RNF103: variants seen among roughly 807,000 people sequenced by gnomAD.
RNF103 encodes the protein ring finger protein 103, also known as E3 ubiquitin-protein ligase RNF103.
Under a neutral mutation model 66.2 loss-of-function variants are expected in RNF103, and 23 were observed. The observed-to-expected ratio is 0.35, with a 90% CI of 0.25 to 0.49. The LOEUF (loss-of-function observed/expected upper bound fraction) is 0.49. Among genes scored for constraint, RNF103 ranks in the 20% least tolerant of loss-of-function variants. The probability of loss-of-function intolerance (pLI) is 0.98; values close to 1 mark genes in which losing one functional copy is unlikely to be tolerated. For synonymous variants in RNF103, 297 were observed against 289.9 expected, an observed-to-expected ratio of 1.02 and a Z score of -0.25; for missense variants, 730 against 814.7, an observed-to-expected ratio of 0.90 and a Z score of 1.27.
rs201930015 is a variant in RNF103, at chr2:86,620,494, T to G, written c.227-25A>C. On this transcript the variant is annotated intron_variant, in intron 1 of 3. Coordinates refer to ENST00000237455, the MANE Select transcript of RNF103 (RefSeq NM_005667.4). ...CCTGAAGAAAGGAAAAGAATAACAC[T>G]AATAAGGTTGCAAGAATCCTAGATT... 45 of 1,522,266 alleles carry G rather than the reference T, an allele frequency of 3.0e-5. No homozygotes were observed. The East Asian group carries it at 1.0e-3, about 34-fold the overall frequency. The allele number at this position is 1,522,266 out of a possible 1,614,324, so 94.3% of individuals were successfully genotyped here. A position where few individuals can be genotyped will look rare whatever the true frequency, so the allele number is the denominator to read the frequency against.
chr2:86,608,164 G>A (rs1443552250), intron 3 of RNF103, among the ~76,000 whole-genome samples: 1 of 152,022 alleles, frequency 6.6e-6, no homozygotes, highest in African/African-American at 2.4e-5. Context: ...TGTGAGTTTT[G>A]GTCTTCCAGT....
At position 86,604,279 on chromosome 2, in the gene RNF103, C is replaced by A; in HGVS notation, c.1622G>T (p.Ser541Ile). ...ACTACTCAAAGTGTCTGTGTTCTCA[C>A]TTTCCGAGTCATTTTCAGTATCTTG... ...GSQDTENDSE[S>I]ENTDTLSSEK... The change falls in exon 4 of 4, where the codon AGT becomes ATT. Residue 541 changes from serine (S) to isoleucine (I), a missense_variant. This residue lies in a region of RNF103 where 355 missense variants were observed against 351.9 expected (regional missense o/e 1.01). Transcript: ENST00000237455. The A allele has an allele frequency of 6.2e-7, 1 of 1,614,232 alleles. No homozygotes were observed.
chr2:86,621,626 C>A (rs1679231984), intron 1 of RNF103, among the ~76,000 whole-genome samples: 1 of 152,170 alleles, frequency 6.6e-6, no homozygotes, highest in African/African-American at 2.4e-5. Context: ...AAGTGTTAAA[C>A]TGCTAGCGAG....
In RNF103 at chr2:86,623,667, A is replaced by G. The variant is rs1421387096; in HGVS notation, c.-781T>C. On this transcript the variant is annotated 5_prime_UTR_variant, in exon 1 of 4. Transcript: ENST00000237455. The stretch of plus-strand genomic sequence containing the variant: ...GCAGATGGAATCGGTCTCGGAGGGA[A>G]AAAACCAATAATAGGCCCCGAGACT... The G allele has an allele frequency of 1.1e-5, 13 of 1,168,574 alleles. No individual in the cohort carries two copies. The highest frequency in any genetic ancestry group is 1.1e-6 in the Non-Finnish European group (1 of 932,578). The allele number at this position is 1,168,574 out of a possible 1,614,324, so 72.4% of individuals were successfully genotyped here. A position where few individuals can be genotyped will look rare whatever the true frequency, so the allele number is the denominator to read the frequency against.
chr2:86,604,732 C>G lies in RNF103; in HGVS notation c.1169G>C (p.Ser390Thr), dbSNP rs1471965011. 15 of 1,613,880 alleles carry G rather than the reference C, an allele frequency of 9.3e-6. No individual in the cohort carries two copies. Among genetic ancestry groups the G allele is most frequent in the Non-Finnish European group, 1.2e-5 (14 of 1,180,000 alleles). The change falls in exon 4 of 4, where the codon AGC (serine) becomes ACC (threonine). Residue 390 changes from serine to threonine, a missense_variant. By Grantham distance (58) the Ser-to-Thr change is moderately conservative. Around this residue, in one of 3 missense-constraint regions of RNF103, gnomAD observed 355 missense variants for 351.9 expected, o/e 1.01. Transcript: ENST00000237455. ...LPYLDSFYEY[S>T]LKLLRYSNTT... ...ATTGGAATATCTCAACAATTTTAAG[C>G]TATATTCATAAAAGCTATCTAAGTA...
rs1678427002 is a variant in RNF103, at chr2:86,603,599, C to T, written c.*244G>A. On this transcript the variant is annotated 3_prime_UTR_variant, in exon 4 of 4. Transcript: ENST00000237455. ...AAATTTCTATAATACTTCTTTTGTG[C>T]TTACAAAAAAACATTAACTTCTGAA... 2 of 500,340 alleles carry T rather than the reference C, an allele frequency of 4.0e-6. No individual in the cohort carries two copies. The highest frequency in any genetic ancestry group is 7.7e-5 in the Admixed American group (2 of 25,996). 31.0% of individuals were successfully genotyped at this position (500,340 alleles called of 1,614,324 possible).
chr2:86,615,166 A>G, intron 2 of RNF103: 2 of 985,444 alleles, frequency 2.0e-6, no homozygotes, highest in Non-Finnish European at 2.4e-6. Context: ...TGGGGCAGGT[A>G]CAAGACAATG....
At chr2:86,613,410 A>G (rs1678879813) in intron 2 of RNF103, 1 of 152,192 alleles carries the variant, frequency 6.6e-6, no homozygotes, top group South Asian at 2.1e-4. Flanking sequence ...CCATAAAAAT[A>G]ACTAAATGGG....
rs1678481153 is a variant in RNF103 at position 86,604,734 on chromosome 2, A to G, written c.1167T>C (p.Tyr389=). 1.2e-6 allele frequency: 2 copies of G among 1,614,032 alleles called. No individual in the cohort carries two copies. The highest frequency in any genetic ancestry group is 1.7e-6 in the Non-Finnish European group (2 of 1,179,996). ...QLPYLDSFYE[Y]SLKLLRYSNT... The stretch of plus-strand genomic sequence containing the variant: ...TGGAATATCTCAACAATTTTAAGCT[A>G]TATTCATAAAAGCTATCTAAGTAAG... Residue 389 remains tyrosine (Y), a synonymous_variant, in exon 4 of 4, where the codon TAT becomes TAC. Coordinates refer to ENST00000237455, the MANE Select transcript of RNF103 (RefSeq NM_005667.4).
chr2:86,612,457 A>G (rs1463149704), intron 2 of RNF103, 183 bp from the exon 3 acceptor site: 1 of 514,748 alleles, frequency 1.9e-6, no homozygotes, highest in East Asian at 3.4e-5. Flanking sequence ...TAGGAAAAAG[A>G]CTTGAAACAC....
intron 3 of RNF103, 30 bp downstream of exon 3, chr2:86,612,129 C>G: frequency 6.8e-7 from 1 of 1,466,132 alleles, no homozygotes; most frequent in South Asian, 1.2e-5. Flanking sequence ...GGTCAGGACT[C>G]AAATTCTAAG....
At chr2:86,619,150 C>T (rs1400506376) in intron 2 of RNF103, among the ~76,000 whole-genome samples, 3 of 152,226 alleles carry the variant, frequency 2.0e-5, no homozygotes, top group East Asian at 1.9e-4. Context: ...TTTGAGGCCA[C>T]GTGCAACAGA....
chr2:86,614,109 C>T (rs1026974273), intron 2 of RNF103: 1 of 151,964 alleles, frequency 6.6e-6, no homozygotes, highest in Non-Finnish European at 1.5e-5. Context: ...TTTGATAGTA[C>T]TTTTTAATGA....
At chr2:86,608,456 C>T (rs1443963777) in intron 3 of RNF103, among the ~76,000 whole-genome samples, 1 of 133,370 alleles carries the variant, frequency 7.5e-6, no homozygotes. Context: ...CACTGTACTC[C>T]AGCCTGGGCA....
chr2:86,616,418 T>C, intron 2 of RNF103: 1 of 829,986 alleles, frequency 1.2e-6, no homozygotes, highest in Non-Finnish European at 1.5e-6. Context: ...GACAAGTGAT[T>C]GACAAAAAAC....
chr2:86,617,297 C>A (rs1054271027), intron 2 of RNF103: 2 of 985,386 alleles, frequency 2.0e-6, no homozygotes, highest in Non-Finnish European at 2.4e-6. Flanking sequence ...TGACAGAGAA[C>A]AAATTAGTCA....
rs1678499445 is a variant in RNF103 at position 86,605,206 on chromosome 2, T to C, written c.695A>G (p.Gln232Arg). The change falls in exon 4 of 4, where the codon CAG becomes CGG. Residue 232 changes from glutamine to arginine, a missense_variant. By Grantham distance (43) the Gln-to-Arg change is conservative (BLOSUM62 1). Around this residue, in one of 3 missense-constraint regions of RNF103, gnomAD observed 327 missense variants for 369.8 expected, o/e 0.88. Coordinates refer to ENST00000237455, the MANE Select transcript of RNF103 (RefSeq NM_005667.4). ...AAATAGGTATATTTTTAACCAATAC[T>C]GATCACTTTTATTCCATTCTTCTTT... Reference protein sequence around the residue: ...HLKEEWNKSDQYWLKIYLFAN... With the variant: ...HLKEEWNKSDRYWLKIYLFAN... 2 of 1,613,878 alleles carry C rather than the reference T, an allele frequency of 1.2e-6. No homozygotes were observed. The highest frequency in any genetic ancestry group is 1.7e-6 in the Non-Finnish European group (2 of 1,180,046).
chr2:86,616,646 T>G, intron 2 of RNF103: 1 of 985,276 alleles, frequency 1.0e-6, no homozygotes, highest in South Asian at 4.7e-5. Context: ...AAACAGGAAA[T>G]ATATTGATGT....
Position 86,623,858 on chromosome 2 carries a change from G to C in RNF103, c.-972C>G, listed in dbSNP as rs546380086. On this transcript the variant is annotated 5_prime_UTR_variant, in exon 1 of 4. Transcript: ENST00000237455. ...CAGCGGCGGCCGCGGCCGGAGCCGA[G>C]ACATAACAACTGACGTCGCGATGAG... The C allele has an allele frequency of 7.8e-7, 1 of 1,287,940 alleles. No individual in the cohort carries two copies. The highest frequency in any genetic ancestry group is 1.2e-5 in the South Asian group (1 of 80,846). 79.8% of individuals were successfully genotyped at this position (1,287,940 alleles called of 1,614,324 possible). A position where few individuals can be genotyped will look rare whatever the true frequency, so the allele number is the denominator to read the frequency against.
Sources: allele counts gnomAD v4.1 joint callset (sites outside exome capture counted in the v4.1 genomes callset), GRCh38; gene constraint gnomAD v4.1.1; regional missense constraint gnomAD v4.1.1; transcripts MANE v1.5; gene names NCBI Gene and HGNC (gene_info 2026-07-23, HGNC 2026-07-21).